The following ST7L variants were observed in gnomAD, a reference collection of about 807,000 sequenced individuals.
ST7L encodes suppression of tumorigenicity 7 like, also known as suppressor of tumorigenicity 7 protein-like.
ST7L carries 57 observed loss-of-function variants against 72.5 expected under a neutral mutation model. The observed-to-expected ratio is 0.79, with a 90% CI of 0.64 to 0.98. The LOEUF (loss-of-function observed/expected upper bound fraction) is 0.98. Among genes scored for constraint, ST7L ranks in the 50% least tolerant of loss-of-function variants. The pLI is 0.00. For synonymous variants in ST7L, 221 were observed against 240.9 expected, an observed-to-expected ratio of 0.92 and a Z score of 0.77; for missense variants, 576 against 672.2, an observed-to-expected ratio of 0.86 and a Z score of 1.58.
At chr1:112,592,454 T>C (rs973680996) in intron 5 of ST7L, among the ~76,000 whole-genome samples, 2 of 152,168 alleles carry the variant, frequency 1.3e-5, no homozygotes, top group African/African-American at 4.8e-5. Context: ...TCCACTTGTG[T>C]AACAAAAATA....
At chr1:112,559,096 T>C (rs1445218877) in intron 11 of ST7L, among the ~76,000 whole-genome samples, 1 of 152,206 alleles carries the variant, frequency 6.6e-6, no homozygotes, top group Non-Finnish European at 1.5e-5. Context: ...TTTCAGTGAA[T>C]TTTAGAACTC....
Position 112,610,968 on chromosome 1 carries a change from T to A in ST7L, c.324A>T (p.Thr108=), listed in dbSNP as rs767653430. Residue 108 remains threonine, a synonymous_variant, in exon 3 of 15, where the codon ACA becomes ACT. Transcript: ENST00000358039. ...TTACAGATACTTGCTCAATAAAAGA[T>A]GTGCCATGCTTATGGAAGTACCACC... ...FEWWYFHKHG[T]SFIEQVSVSH... 2 of 1,614,202 alleles carry A rather than the reference T, an allele frequency of 1.2e-6. No homozygotes were observed. The highest frequency in any genetic ancestry group is 2.2e-5 in the South Asian group (2 of 91,086).
chr1:112,602,688 T>C lies in ST7L; in HGVS notation c.452-1840A>G, dbSNP rs190404372. ...CACACAAATTTAACGGTTATTTAGATGGGTACCTGGCAGACATTTTCTTTC... is the reference window on the plus strand; with the variant it reads ...CACACAAATTTAACGGTTATTTAGACGGGTACCTGGCAGACATTTTCTTTC... On this transcript the variant is annotated intron_variant, in intron 3 of 14. Coordinates refer to ENST00000358039, the MANE Select transcript of ST7L (RefSeq NM_017744.5). Among the ~76,000 whole-genome samples, 1,181 of 151,582 alleles carry C rather than the reference T, an allele frequency of 7.8e-3. 4 individuals are homozygous for C. Among genetic ancestry groups the C allele is most frequent in the Non-Finnish European group, 0.012 (824 of 67,892 alleles).
At chr1:112,542,268 A>G (rs999324368) in intron 13 of ST7L, among the ~76,000 whole-genome samples, 178 bp from the exon 14 acceptor site, 2 of 152,350 alleles carry the variant, frequency 1.3e-5, no homozygotes, top group East Asian at 1.9e-4. Flanking sequence ...CATCAACAGC[A>G]TATCTAAATA....
chr1:112,578,782 A>G (rs1663572641), intron 9 of ST7L, among the ~76,000 whole-genome samples: 1 of 152,178 alleles, frequency 6.6e-6, no homozygotes, highest in Non-Finnish European at 1.5e-5. Context: ...CTCCAAAAAA[A>G]ACAAAACAAA....
intron 4 of ST7L, among the ~76,000 whole-genome samples, chr1:112,598,683 T>C (rs923460852): frequency 6.6e-6 from 1 of 151,486 alleles, no homozygotes. Flanking sequence ...ACATATGAAA[T>C]GTATACCCAA....
At chr1:112,576,961 G>T (rs750818366) in intron 11 of ST7L, 25 bp downstream of exon 11, 1 of 1,502,010 alleles carries the variant, frequency 6.7e-7, no homozygotes, top group Admixed American at 1.8e-5. Context: ...AATAAAGGTA[G>T]TATTTTTATC....
rs373314268 is a variant in ST7L at position 112,618,397 on chromosome 1, A to C, written c.205+512T>G. Reference sequence around the variant, plus strand: ...AAAAGAACAGACAAAACTATCACGAAAACGATTTCTTAACAGAACTATTTT... The same window carrying C: ...AAAAGAACAGACAAAACTATCACGACAACGATTTCTTAACAGAACTATTTT... On this transcript the variant is annotated intron_variant, in intron 1 of 14. Transcript: ENST00000358039. 3 of 351,208 alleles carry C rather than the reference A, an allele frequency of 8.5e-6. No homozygotes were observed. In the East Asian group the frequency reaches 4.9e-4, roughly 57 times the overall value. The allele number at this position is 351,208 out of a possible 1,614,324, so 21.8% of individuals were successfully genotyped here.
rs1347829828 is a variant in ST7L, at chr1:112,600,828, G to T, written c.472C>A (p.Pro158Thr). Reference protein sequence around the residue: ...NLSECKVWRNPLNLFRGAEYR... With the variant: ...NLSECKVWRNTLNLFRGAEYR... Reference sequence around the variant, plus strand: ...TCTGCTCCTCTGAAAAGATTTAGAGGGTTTCTCCATACCTTACATTCTGAA... The same window carrying T: ...TCTGCTCCTCTGAAAAGATTTAGAGTGTTTCTCCATACCTTACATTCTGAA... Residue 158 changes from proline (P) to threonine (T), a missense_variant, in exon 4 of 15, where the codon CCT becomes ACT. By Grantham distance (38) the Pro-to-Thr change is conservative. Coordinates refer to ENST00000358039, the MANE Select transcript of ST7L (RefSeq NM_017744.5). 6.2e-7 allele frequency: 1 copy of T among 1,610,302 alleles called. No homozygotes were observed. The highest frequency in any genetic ancestry group is 1.7e-5 in the Admixed American group (1 of 59,714).
chr1:112,556,750 G>A (rs985740696), intron 11 of ST7L, among the ~76,000 whole-genome samples: 1 of 151,666 alleles, frequency 6.6e-6, no homozygotes, highest in Non-Finnish European at 1.5e-5. Context: ...GGCCAAAATC[G>A]TGAGGTCAGG....
At chr1:112,595,370 G>GAAAAAAAAAAA (rs67553307) in intron 5 of ST7L, among the ~76,000 whole-genome samples, 1 of 52,000 alleles carries the variant, frequency 1.9e-5, no homozygotes, top group Non-Finnish European at 3.6e-5. Flanking sequence ...GGTCTCAAAA[G>GAAAAAAAAAAA]AAAAAAAAAA....
intron 3 of ST7L, chr1:112,607,053 A>C (rs927204603): frequency 1.5e-4 from 23 of 152,234 alleles, no homozygotes; most frequent in Admixed American, 1.4e-3. Flanking sequence ...AATTTCTAAT[A>C]TGATAAATAT....
At chr1:112,520,528 C>A, downstream of ST7L, 1 of 1,610,122 alleles carries the variant, frequency 6.2e-7, no homozygotes, top group Non-Finnish European at 8.5e-7. Context: ...ATACCTCACT[C>A]ATCCCTCCAA....
At chr1:112,520,261 C>T, downstream of ST7L, 1 of 1,608,170 alleles carries the variant, frequency 6.2e-7, no homozygotes, top group Non-Finnish European at 8.5e-7. Flanking sequence ...GTTCTCACTC[C>T]CTCTCTTCCC....
intron 11 of ST7L, among the ~76,000 whole-genome samples, chr1:112,566,365 T>C (rs1661045643): frequency 6.8e-6 from 1 of 147,320 alleles, no homozygotes; most frequent in African/African-American, 2.5e-5. Flanking sequence ...TGGCGTGATA[T>C]AGGCTCACTG....
At chr1:112,582,201 C>A (rs951928349) in intron 8 of ST7L, 95 bp from the exon 9 acceptor site, 3 of 1,045,046 alleles carry the variant, frequency 2.9e-6, no homozygotes, top group African/African-American at 3.2e-5. Flanking sequence ...TGTTTCTTAC[C>A]ATAGCTGTGA....
At chr1:112,602,083 C>CAAAAA (rs71584754) in intron 3 of ST7L, among the ~76,000 whole-genome samples, 451 of 86,252 alleles carry the variant, frequency 5.2e-3, no homozygotes, top group East Asian at 7.0e-3. Flanking sequence ...AAACTCCATC[C>CAAAAA]AAAAAAAAAA....
intron 14 of ST7L, 123 bp from the exon 15 acceptor site, chr1:112,526,234 A>G (rs1405510202): frequency 7.3e-7 from 1 of 1,363,214 alleles, no homozygotes; most frequent in Non-Finnish European, 1.0e-6. Flanking sequence ...TTATCAACCA[A>G]TGGCTCTTTT....
chr1:112,579,395 AAAAAAC>A (rs1244058476), intron 9 of ST7L, among the ~76,000 whole-genome samples: 3 of 150,954 alleles, frequency 2.0e-5, no homozygotes, highest in African/African-American at 7.3e-5. Flanking sequence ...AAAAAAAAAA[AAAAAAC>A]AATAAAAAAA....
Sources: gnomAD v4.1 joint callset for allele counts (sites outside exome capture counted in the v4.1 genomes callset) on GRCh38, gnomAD v4.1.1 for gene constraint, MANE v1.5 for transcripts, NCBI Gene and HGNC (gene_info 2026-07-23, HGNC 2026-07-21) for gene names.